ACVR1: variants seen among roughly 807,000 people sequenced by gnomAD.
ACVR1 encodes activin A receptor type 1, also known as activin receptor type-1.
A neutral mutation model predicts 57.1 loss-of-function variants in ACVR1; 38 were observed. That is an observed-to-expected ratio of 0.67 (90% confidence interval 0.51 to 0.87). The LOEUF is 0.87. Ranked by LOEUF, ACVR1 falls within the 40% of genes least tolerant of loss-of-function variation. ACVR1 has a pLI of 0.00. For synonymous variants in ACVR1, 212 were observed against 228.1 expected (o/e 0.93, Z 0.63); for missense variants, 463 against 638.2 (o/e 0.73, Z 2.96).
intron 5 of ACVR1, among the ~76,000 whole-genome samples, chr2:157,774,458 G>A (rs1225526723): frequency 1.3e-5 from 2 of 152,122 alleles, no homozygotes; most frequent in South Asian, 2.1e-4. Flanking sequence ...TCCACCTCCC[G>A]GGTTCAAGTG....
chr2:157,795,080 A>G (rs906379267), intron 3 of ACVR1, among the ~76,000 whole-genome samples: 3 of 152,006 alleles, frequency 2.0e-5, no homozygotes, highest in African/African-American at 7.2e-5. Context: ...CAAGAATGTG[A>G]TCTAGCTTCA....
intron 1 of ACVR1, among the ~76,000 whole-genome samples, chr2:157,832,047 C>T (rs1487044613): frequency 6.6e-6 from 1 of 152,182 alleles, no homozygotes; most frequent in African/African-American, 2.4e-5. Flanking sequence ...GACCTAGCTT[C>T]ACCACCTGGA....
chr2:157,807,117 G>A lies in ACVR1; in HGVS notation c.-7-7617C>T, dbSNP rs578093544. 15 of 152,134 alleles carry A rather than the reference G, an allele frequency of 9.9e-5. No homozygotes were observed. The South Asian group carries it at 2.3e-3, about 23-fold the overall frequency. 9.4% of individuals were successfully genotyped at this position (152,134 alleles called of 1,614,324 possible). A position where few individuals can be genotyped will look rare whatever the true frequency, so the allele number is the denominator to read the frequency against. Reference sequence around the variant, plus strand: ...AGATATGGTTTGGGAAGGAAGGGAAGCAAACAATATGATCTGTAAAATGAA... The same window carrying A: ...AGATATGGTTTGGGAAGGAAGGGAAACAAACAATATGATCTGTAAAATGAA... On this transcript the variant is annotated intron_variant, in intron 2 of 10. Coordinates refer to ENST00000434821, the MANE Select transcript of ACVR1 (RefSeq NM_001111067.4).
chr2:157,756,366 C>A (rs554420881), intron 9 of ACVR1, among the ~76,000 whole-genome samples: 1 of 152,050 alleles, frequency 6.6e-6, no homozygotes, highest in Admixed American at 6.5e-5. Context: ...GCAGGGTAAA[C>A]TGACACCCCA....
intron 2 of ACVR1, among the ~76,000 whole-genome samples, chr2:157,802,079 GT>G (rs2105309120): frequency 6.6e-6 from 1 of 152,292 alleles, no homozygotes; most frequent in East Asian, 1.9e-4. Flanking sequence ...AAATAACTGT[GT>G]TAACAAAACA....
intron 1 of ACVR1, among the ~76,000 whole-genome samples, chr2:157,836,430 C>A (rs1175528122): frequency 6.6e-6 from 1 of 152,166 alleles, no homozygotes; most frequent in Non-Finnish European, 1.5e-5. Flanking sequence ...AAAGGAAACA[C>A]AGGTTGTACC....
At chr2:157,821,524 T>C (rs1396303815) in intron 1 of ACVR1, among the ~76,000 whole-genome samples, 1 of 150,938 alleles carries the variant, frequency 6.6e-6, no homozygotes, top group Admixed American at 6.6e-5. Context: ...AGAATTTGTC[T>C]AAAAAAAATA....
chr2:157,809,259 G>A (rs1054824732), intron 2 of ACVR1, among the ~76,000 whole-genome samples: 12 of 152,044 alleles, frequency 7.9e-5, no homozygotes, highest in African/African-American at 2.9e-4. Flanking sequence ...TTCTCTTAGT[G>A]GTCTGTCTCC....
At chr2:157,869,375 A>G (rs1690043073) in intron 1 of ACVR1, among the ~76,000 whole-genome samples, 1 of 152,258 alleles carries the variant, frequency 6.6e-6, no homozygotes, top group Non-Finnish European at 1.5e-5. Flanking sequence ...CAACTATTCA[A>G]TAAACAAACT....
intron 5 of ACVR1, 85 bp downstream of exon 5, chr2:157,778,046 C>T (rs1686356950): frequency 1.4e-6 from 2 of 1,404,478 alleles, no homozygotes; most frequent in Admixed American, 3.5e-5. Flanking sequence ...TCACTCATTA[C>T]TGGTTAGCGT....
Position 157,862,422 on chromosome 2 carries a change from T to C in ACVR1, c.-183+13374A>G, listed in dbSNP as rs76274643. ...TAGGCACAGGATAAACATATACACA[T>C]ACACACACACACACACACACACACA... is the stretch of plus-strand genomic sequence containing the variant. On this transcript the variant is annotated intron_variant, in intron 1 of 10. Transcript: ENST00000434821. Among the ~76,000 whole-genome samples the C allele has an allele frequency of 6.3e-5, 9 of 143,742 alleles. No individual in the cohort carries two copies. In the South Asian group the frequency reaches 9.1e-4, roughly 14 times the overall value. The allele number at this position is 143,742 out of a possible 152,430, so 94.3% of individuals were successfully genotyped here.
At chr2:157,761,150 C>T (rs1685636342) in intron 8 of ACVR1, 73 bp from the exon 9 acceptor site, 1 of 1,488,486 alleles carries the variant, frequency 6.7e-7, no homozygotes, top group Non-Finnish European at 9.2e-7. Context: ...GATTTTAAAC[C>T]AACCCCAATC....
At position 157,745,521 on chromosome 2, in the gene ACVR1, A is replaced by T. The variant is rs1332120617; in HGVS notation, c.1265-6951T>A. Among the ~76,000 whole-genome samples, 5 of 152,164 alleles carry T rather than the reference A, an allele frequency of 3.3e-5. No individual in the cohort carries two copies. In the East Asian group the frequency reaches 9.6e-4, roughly 29 times the overall value. On this transcript the variant is annotated intron_variant, in intron 9 of 10. Transcript: ENST00000434821. The stretch of plus-strand genomic sequence containing the variant: ...AATAAAGTTTTGCAGCCTTCAACTT[A>T]TTTTGTCATGAGGTTAGTTGACTAC...
At chr2:157,851,261 G>A (rs910002767) in intron 1 of ACVR1, among the ~76,000 whole-genome samples, 3 of 152,112 alleles carry the variant, frequency 2.0e-5, no homozygotes, top group African/African-American at 7.2e-5. Flanking sequence ...GGACCTAGCA[G>A]TACCATCTAT....
chr2:157,784,238 C>A (rs1295368019), intron 3 of ACVR1, among the ~76,000 whole-genome samples: 1 of 152,110 alleles, frequency 6.6e-6, no homozygotes, highest in Non-Finnish European at 1.5e-5. Context: ...CCTTTCAGGG[C>A]CACAGGTATG....
At chr2:157,851,894 CACACA>C (rs1330663490) in intron 1 of ACVR1, among the ~76,000 whole-genome samples, 3 of 38,898 alleles carry the variant, frequency 7.7e-5, no homozygotes, top group Admixed American at 4.1e-4. Context: ...CACACACACA[CACACA>C]CACACACACA....
rs1446688573 is a variant in ACVR1 at position 157,774,181 on chromosome 2, A to G, written c.550T>C (p.Leu184=). The G allele has an allele frequency of 1.9e-6, 3 of 1,613,906 alleles. No individual in the cohort carries two copies. Among genetic ancestry groups the G allele is most frequent in the Non-Finnish European group, 2.5e-6 (3 of 1,179,802 alleles). The change falls in exon 6 of 11, where the codon TTG becomes CTG. Residue 184 remains leucine (L), a synonymous_variant. Coordinates refer to ENST00000434821, the MANE Select transcript of ACVR1 (RefSeq NM_001111067.4). ...NVGDSTLADL[L]DHSCTSGSGS... Reference sequence around the variant, plus strand: ...CTTCCTGATGTACACGAATGATCCAATAAATCCTGTGGTTTAAGACAAGGG... The same window carrying G: ...CTTCCTGATGTACACGAATGATCCAGTAAATCCTGTGGTTTAAGACAAGGG...
intron 9 of ACVR1, among the ~76,000 whole-genome samples, chr2:157,752,681 T>C (rs1044258271): frequency 1.3e-5 from 2 of 152,210 alleles, no homozygotes; most frequent in Non-Finnish European, 2.9e-5. Context: ...AAGAATTTTG[T>C]ATCCCTTGAA....
chr2:157,783,065 C>T (rs1204988057), intron 3 of ACVR1, among the ~76,000 whole-genome samples: 6 of 152,236 alleles, frequency 3.9e-5, no homozygotes, highest in Admixed American at 1.3e-4. Context: ...AAACCAGCAA[C>T]GCTAGACTAG....
Sources: allele counts gnomAD v4.1 joint callset (sites outside exome capture counted in the v4.1 genomes callset), GRCh38; gene constraint gnomAD v4.1.1; transcripts MANE v1.5; gene names NCBI Gene and HGNC (gene_info 2026-07-23, HGNC 2026-07-21).